The following ANO4 variants were observed in gnomAD, a reference collection of about 807,000 sequenced individuals.
ANO4 encodes the protein anoctamin-4.
Under a neutral mutation model 141.9 loss-of-function variants are expected in ANO4, and 69 were observed. The ratio of observed to expected loss-of-function variants is 0.49; its 90% CI spans 0.40 to 0.59. The LOEUF (loss-of-function observed/expected upper bound fraction) is 0.59. Ranked by LOEUF, ANO4 falls within the 20% of genes least tolerant of loss-of-function variation. The pLI is 0.00. For missense variants in ANO4, 894 were observed against 1,162.2 expected (o/e 0.77, Z 3.36); for synonymous variants, 350 against 394.3 (o/e 0.89, Z 1.33).
chr12:100,908,195 C>A (rs908097418), intron 2 of ANO4, among the ~76,000 whole-genome samples: 4 of 151,910 alleles, frequency 2.6e-5, no homozygotes, highest in Admixed American at 2.6e-4. Flanking sequence ...ACTAAAAATA[C>A]AAAATTAGCC....
At chr12:100,877,912 A>G (rs1045973916) in intron 1 of ANO4, among the ~76,000 whole-genome samples, 2 of 152,166 alleles carry the variant, frequency 1.3e-5, no homozygotes, top group Admixed American at 6.5e-5. Flanking sequence ...GCAGTATGTC[A>G]TATTTCAGAG....
intron 14 of ANO4, chr12:101,066,630 G>A (rs1247163957): frequency 9.2e-6 from 5 of 545,078 alleles, no homozygotes; most frequent in Non-Finnish European, 1.6e-5. Context: ...TGCCCTGCTG[G>A]GAGAGTATCC....
At chr12:100,966,902 C>CACAT (rs1361817262) in intron 5 of ANO4, among the ~76,000 whole-genome samples, 3 of 150,330 alleles carry the variant, frequency 2.0e-5, no homozygotes, top group South Asian at 4.2e-4. Context: ...CACACACACA[C>CACAT]ACATACATAT....
intron 1 of ANO4, among the ~76,000 whole-genome samples, chr12:100,893,540 G>T (rs1343899260): frequency 6.6e-6 from 1 of 152,078 alleles, no homozygotes; most frequent in Non-Finnish European, 1.5e-5. Context: ...GTCGGGACAT[G>T]TGCTTTTTAT....
At chr12:100,825,857 G>C (rs2036306647) in intron 1 of ANO4, among the ~76,000 whole-genome samples, 1 of 151,998 alleles carries the variant, frequency 6.6e-6, no homozygotes, top group Admixed American at 6.6e-5. Context: ...GACATTTTCT[G>C]ATGTTTCCAT....
intron 1 of ANO4, among the ~76,000 whole-genome samples, chr12:100,848,816 T>A (rs59458348): frequency 0.023 from 3,437 of 152,326 alleles, 132 homozygotes; most frequent in African/African-American, 0.078. Context: ...TCTTTTGGAC[T>A]TCTCTCACCT....
chr12:101,028,719 G>A (rs893082975), intron 9 of ANO4, among the ~76,000 whole-genome samples: 7 of 152,100 alleles, frequency 4.6e-5, no homozygotes, highest in African/African-American at 1.7e-4. Flanking sequence ...ACCACCTGAA[G>A]CAGACGTGAA....
At chr12:100,738,118 A>T (rs1052031138) in intron 2 of ANO4, among the ~76,000 whole-genome samples, 2 of 152,170 alleles carry the variant, frequency 1.3e-5, no homozygotes. Flanking sequence ...TTCTCAAGAC[A>T]GCTTACAATT....
intron 1 of ANO4, among the ~76,000 whole-genome samples, chr12:100,796,359 A>G (rs572730369): frequency 0.019 from 1,140 of 61,508 alleles, 10 homozygotes; most frequent in Non-Finnish European, 0.025. Flanking sequence ...AAAGTTCCCT[A>G]ACTGCTTGCT....
intron 26 of ANO4, among the ~76,000 whole-genome samples, chr12:101,124,613 T>TAAGTC (rs2051230820): frequency 6.6e-6 from 1 of 152,242 alleles, no homozygotes; most frequent in Non-Finnish European, 1.5e-5. Flanking sequence ...GCTTTACATT[T>TAAGTC]AAGTCTTTAA....
Position 100,922,237 on chromosome 12 carries a change from G to A in ANO4, c.67G>A (p.Asp23Asn), listed in dbSNP as rs1009024624. 6.5e-6 allele frequency: 10 copies of A among 1,531,434 alleles called. No homozygotes were observed. Among genetic ancestry groups the A allele is most frequent in the African/African-American group, 4.1e-5 (3 of 72,766 alleles). The allele number at this position is 1,531,434 out of a possible 1,614,324, so 94.9% of individuals were successfully genotyped here. ...TTTCATTTCTCTAGAAGGAGGTGTG[G>A]ATTTGCAAGGCTACCAGCTGGATAT... Reference protein sequence around the residue: ...TKVFHPEGGVDLQGYQLDMQI... With the variant: ...TKVFHPEGGVNLQGYQLDMQI... Residue 23 changes from aspartate to asparagine, a missense_variant, in exon 3 of 28, where the codon GAT becomes AAT. Asp to Asn is a conservative substitution (Grantham distance 23, BLOSUM62 1). This residue lies in a region of ANO4 where 257 missense variants were observed against 253.0 expected (regional missense o/e 1.02). Transcript: ENST00000392977.
At chr12:100,983,816 C>T (rs2136319504) in intron 7 of ANO4, among the ~76,000 whole-genome samples, 1 of 152,306 alleles carries the variant, frequency 6.6e-6, no homozygotes, top group African/African-American at 2.4e-5. Flanking sequence ...AGGTCTGTAA[C>T]CTTCCTTACA....
chr12:101,056,229 TGTC>T (rs2048111716), intron 14 of ANO4, among the ~76,000 whole-genome samples: 1 of 152,234 alleles, frequency 6.6e-6, no homozygotes, highest in South Asian at 2.1e-4. Context: ...AAAGATTGAG[TGTC>T]ATTTAGCTTT....
chr12:101,050,608 A>G (rs1302788098), intron 14 of ANO4, among the ~76,000 whole-genome samples: 2 of 152,262 alleles, frequency 1.3e-5, no homozygotes, highest in Non-Finnish European at 1.5e-5. Context: ...AACCAGTATT[A>G]TAAATACTAA....
At chr12:101,024,787 A>G (rs761462724) in intron 9 of ANO4, among the ~76,000 whole-genome samples, 1 of 152,192 alleles carries the variant, frequency 6.6e-6, no homozygotes, top group Non-Finnish European at 1.5e-5. Flanking sequence ...GCGCTAGACA[A>G]ACTATAAAGC....
At chr12:100,907,110 T>C (rs1242131155) in intron 2 of ANO4, among the ~76,000 whole-genome samples, 1 of 152,202 alleles carries the variant, frequency 6.6e-6, no homozygotes, top group Non-Finnish European at 1.5e-5. Context: ...CTTAAAATTG[T>C]TATGGCTATC....
At chr12:100,752,468 AAAC>A (rs775797081) in intron 3 of ANO4, among the ~76,000 whole-genome samples, 3 of 152,164 alleles carry the variant, frequency 2.0e-5, no homozygotes, top group Admixed American at 6.6e-5. Context: ...TGTTCCCCAA[AAAC>A]AACAAGTCAA....
intron 5 of ANO4, among the ~76,000 whole-genome samples, chr12:100,961,954 A>T (rs12423681): frequency 2.6e-5 from 4 of 152,172 alleles, no homozygotes; most frequent in African/African-American, 9.6e-5. Flanking sequence ...TAAGTCTTCC[A>T]GACTTGACAT....
chr12:100,941,305 C>T lies in ANO4; in HGVS notation c.298-1072C>T, dbSNP rs146813499. Among the ~76,000 whole-genome samples, 44 of 151,872 alleles carry T rather than the reference C, an allele frequency of 2.9e-4. 2 individuals carry two copies. The East Asian group carries it at 8.5e-3, about 29-fold the overall frequency. On this transcript the variant is annotated intron_variant, in intron 4 of 27. Coordinates refer to ENST00000392977, the MANE Select transcript of ANO4 (RefSeq NM_001286615.2). ...CATACCTCTACCCTACCAGAGGTAT[C>T]ATCTTTCTAAATTTTATTGTGTTTT... is the stretch of plus-strand genomic sequence containing the variant.
Sources: allele counts gnomAD v4.1 joint callset (sites outside exome capture counted in the v4.1 genomes callset), GRCh38; gene constraint gnomAD v4.1.1; regional missense constraint gnomAD v4.1.1; transcripts MANE v1.5; gene names NCBI Gene and HGNC (gene_info 2026-07-23, HGNC 2026-07-21).